EYS: variants seen among roughly 807,000 people sequenced by gnomAD.
EYS encodes protein eyes shut homolog.
In EYS, 250 loss-of-function variants were observed where a neutral mutation model predicts 282.1. The ratio of observed to expected loss-of-function variants is 0.89; its 90% CI spans 0.80 to 0.98. The LOEUF (loss-of-function observed/expected upper bound fraction) is 0.98, where lower values mean the gene tolerates loss of function less well. EYS is among the 50% of genes least tolerant of loss of function. The pLI, the probability that EYS is intolerant of heterozygous loss-of-function variation, is 0.00. For missense variants in EYS, 4,016 were observed against 3,709.0 expected, an observed-to-expected ratio of 1.08 and a Z score of -2.15; for synonymous variants, 1,355 against 1,282.9, an observed-to-expected ratio of 1.06 and a Z score of -1.20.
chr6:64,817,030 C>T (rs907208918), intron 21 of EYS, among the ~76,000 whole-genome samples: 5 of 151,550 alleles, frequency 3.3e-5, no homozygotes, highest in African/African-American at 1.2e-4. Context: ...AAGCAAGGTA[C>T]TCTGTGTGTG....
At chr6:63,846,189 T>C (rs1772092658) in intron 36 of EYS, among the ~76,000 whole-genome samples, 1 of 152,152 alleles carries the variant, frequency 6.6e-6, no homozygotes, top group South Asian at 2.1e-4. Flanking sequence ...TCAGGAAAAA[T>C]CAACTCTCCA....
At chr6:64,010,198 C>T (rs1768543919) in intron 33 of EYS, among the ~76,000 whole-genome samples, 1 of 152,174 alleles carries the variant, frequency 6.6e-6, no homozygotes, top group East Asian at 1.9e-4. Flanking sequence ...AGCACTGCGT[C>T]GGGGTGGCAG....
chr6:65,357,677 T>C (rs567148017), intron 8 of EYS, among the ~76,000 whole-genome samples: 1 of 152,098 alleles, frequency 6.6e-6, no homozygotes, highest in African/African-American at 2.4e-5. Context: ...ATTTATTATA[T>C]AGACCAGGAG....
At chr6:64,940,478 A>C (rs1191102584) in intron 15 of EYS, among the ~76,000 whole-genome samples, 3 of 152,088 alleles carry the variant, frequency 2.0e-5, no homozygotes, top group East Asian at 1.9e-4. Context: ...TAAGAAAAAT[A>C]AAACAGATAA....
intron 28 of EYS, among the ~76,000 whole-genome samples, chr6:64,390,965 T>C (rs1252430800): frequency 1.3e-5 from 2 of 151,576 alleles, no homozygotes; most frequent in Non-Finnish European, 2.9e-5. Context: ...GCTCGAGAAC[T>C]ACGTGAAGAA....
chr6:65,217,779 G>T (rs1766352792), intron 12 of EYS, among the ~76,000 whole-genome samples: 1 of 152,042 alleles, frequency 6.6e-6, no homozygotes, highest in Admixed American at 6.6e-5. Flanking sequence ...GGAAAGATAG[G>T]CCAAATACAG....
intron 26 of EYS, among the ~76,000 whole-genome samples, chr6:64,465,027 G>A (rs952603369): frequency 3.3e-5 from 5 of 151,692 alleles, no homozygotes; most frequent in Non-Finnish European, 5.9e-5. Flanking sequence ...AAGTAAATAA[G>A]TAAAATACTT....
intron 12 of EYS, among the ~76,000 whole-genome samples, chr6:65,062,786 C>T (rs1773617462): frequency 6.6e-6 from 1 of 151,954 alleles, no homozygotes; most frequent in African/African-American, 2.4e-5. Context: ...TAAATGGAAA[C>T]CGCATAAAGA....
intron 35 of EYS, among the ~76,000 whole-genome samples, chr6:63,869,033 CTT>C (rs1772735808): frequency 6.6e-6 from 1 of 152,102 alleles, no homozygotes; most frequent in Non-Finnish European, 1.5e-5. Context: ...ACCAAAATTA[CTT>C]TGTGGTGGCC....
chr6:64,112,309 A>G (rs6926703), intron 31 of EYS, among the ~76,000 whole-genome samples: 10,048 of 152,086 alleles, frequency 0.066, 995 homozygotes, highest in African/African-American at 0.22. Flanking sequence ...TTTCACAGCC[A>G]AGAAAGCTGT....
At chr6:64,619,798 C>T (rs965075643) in intron 23 of EYS, among the ~76,000 whole-genome samples, 2 of 152,108 alleles carry the variant, frequency 1.3e-5, no homozygotes, top group East Asian at 3.9e-4. Flanking sequence ...CCTCAGCCCC[C>T]GGAGTACAGG....
intron 30 of EYS, among the ~76,000 whole-genome samples, chr6:64,278,794 C>T (rs920363259): frequency 1.6e-4 from 24 of 152,166 alleles, no homozygotes; most frequent in African/African-American, 5.1e-4. Flanking sequence ...GATAGGGTCT[C>T]GCTCTGTCAT....
intron 12 of EYS, among the ~76,000 whole-genome samples, chr6:65,201,507 G>A (rs1396092866): frequency 2.0e-5 from 3 of 152,056 alleles, no homozygotes; most frequent in African/African-American, 7.2e-5. Flanking sequence ...TGACTAAATT[G>A]AAAAATCTTT....
rs1002947957 is a variant in EYS, at chr6:64,762,159, C to A, written c.3443+51219G>T. 3.3e-5 allele frequency among the ~76,000 whole-genome samples: 5 copies of A among 152,074 alleles called. 1 individual carries two copies. The East Asian group carries it at 9.6e-4, about 29-fold the overall frequency. On this transcript the variant is annotated intron_variant, in intron 22 of 42. Coordinates refer to ENST00000503581, the MANE Select transcript of EYS (RefSeq NM_001142800.2). ...TATACATGTAACTAAACATATTGTACTCCATAGACCATATAAAATTAGTAG... is the reference window on the plus strand; with the variant it reads ...TATACATGTAACTAAACATATTGTAATCCATAGACCATATAAAATTAGTAG...
At chr6:64,053,146 A>G (rs1271420393) in intron 33 of EYS, among the ~76,000 whole-genome samples, 3 of 152,122 alleles carry the variant, frequency 2.0e-5, no homozygotes, top group Non-Finnish European at 4.4e-5. Context: ...GAAATTCCAG[A>G]GTTTATAGAT....
At chr6:64,633,675 A>T (rs1767872108) in intron 22 of EYS, among the ~76,000 whole-genome samples, 1 of 150,686 alleles carries the variant, frequency 6.6e-6, no homozygotes, top group African/African-American at 2.4e-5. Flanking sequence ...AACCCCCATC[A>T]TTGGAAAGTT....
intron 2 of EYS, among the ~76,000 whole-genome samples, chr6:65,550,510 C>T (rs1430037913): frequency 5.6e-4 from 2 of 3,582 alleles, no homozygotes; most frequent in Non-Finnish European, 7.2e-4. Flanking sequence ...CACCACAGTC[C>T]CCAGAGTGTG....
chr6:64,897,347 C>A (rs78088020), intron 18 of EYS, among the ~76,000 whole-genome samples: 3,794 of 152,202 alleles, frequency 0.025, 57 homozygotes, highest in Middle Eastern at 0.068. Context: ...CTCCAGCAGA[C>A]CTGCAGAAGA....
chr6:64,800,580 T>A (rs971436333), intron 22 of EYS, among the ~76,000 whole-genome samples: 151 of 141,324 alleles, frequency 1.1e-3, no homozygotes, highest in African/African-American at 3.6e-3. Flanking sequence ...TTTTTTTTTT[T>A]AAAGTTTAGT....
Sources: gnomAD v4.1 joint callset for allele counts (sites outside exome capture counted in the v4.1 genomes callset) on GRCh38, gnomAD v4.1.1 for gene constraint, MANE v1.5 for transcripts, NCBI Gene and HGNC (gene_info 2026-07-23, HGNC 2026-07-21) for gene names.